AUTS2: variants seen among roughly 807,000 people sequenced by gnomAD.
The protein encoded by AUTS2 is autism susceptibility gene 2 protein.
A neutral mutation model predicts 112.4 loss-of-function variants in AUTS2; 17 were observed. That is an observed-to-expected ratio of 0.15 (90% CI 0.10 to 0.23). The LOEUF (loss-of-function observed/expected upper bound fraction) is 0.23, where lower values mean the gene tolerates loss of function less well. Ranked by LOEUF, AUTS2 falls within the 10% of genes least tolerant of loss-of-function variation. The pLI, the probability that AUTS2 is intolerant of heterozygous loss-of-function variation, is 1.00. For synonymous variants in AUTS2, 751 were observed against 702.7 expected, an observed-to-expected ratio of 1.07 and a Z score of -1.09; for missense variants, 1,510 against 1,701.6, an observed-to-expected ratio of 0.89 and a Z score of 1.98.
chr7:69,775,701 G>C (rs966708852), intron 1 of AUTS2, among the ~76,000 whole-genome samples: 2 of 152,144 alleles, frequency 1.3e-5, no homozygotes, highest in Non-Finnish European at 2.9e-5. Flanking sequence ...GTACTGGTCA[G>C]AGCTGGATTC....
chr7:70,003,675 G>A (rs1361751462), intron 2 of AUTS2, among the ~76,000 whole-genome samples: 2 of 124,684 alleles, frequency 1.6e-5, no homozygotes, highest in Non-Finnish European at 1.6e-5. Context: ...TAATATATAT[G>A]AATGTGTTAT....
At position 69,808,839 on chromosome 7, in the gene AUTS2, G is replaced by T. The variant is rs1263685831; in HGVS notation, c.310-90447G>T. Among the ~76,000 whole-genome samples, 4 of 152,156 alleles carry T rather than the reference G, an allele frequency of 2.6e-5. 1 individual carries two copies. The highest frequency in any genetic ancestry group is 5.9e-5 in the Non-Finnish European group (4 of 68,032). On this transcript the variant is annotated intron_variant, in intron 1 of 18. Transcript: ENST00000342771. ...ATCTGATGATGGTCTTTGGCTCATT[G>T]GCTCCTACAGCTGCATACTTTGTTA...
chr7:70,455,670 C>T (rs1360835780), intron 5 of AUTS2, among the ~76,000 whole-genome samples: 2 of 152,128 alleles, frequency 1.3e-5, no homozygotes, highest in Non-Finnish European at 2.9e-5. Context: ...CCTGTAGTTT[C>T]AGCTACTTCA....
At chr7:69,907,064 G>A (rs189602053) in intron 2 of AUTS2, among the ~76,000 whole-genome samples, 30 of 152,266 alleles carry the variant, frequency 2.0e-4, no homozygotes, top group Non-Finnish European at 3.4e-4. Flanking sequence ...CCATGTTCAC[G>A]CAACTGCACC....
chr7:70,184,296 A>G (rs1809486521), intron 4 of AUTS2, among the ~76,000 whole-genome samples: 1 of 152,188 alleles, frequency 6.6e-6, no homozygotes, highest in Non-Finnish European at 1.5e-5. Flanking sequence ...CACAGAGAAG[A>G]GCAAATGCCA....
At chr7:70,215,185 G>T (rs1449264619) in intron 4 of AUTS2, among the ~76,000 whole-genome samples, 1 of 152,174 alleles carries the variant, frequency 6.6e-6, no homozygotes, top group Non-Finnish European at 1.5e-5. Flanking sequence ...AGGAGGCTGA[G>T]AGGAGAATCA....
intron 1 of AUTS2, among the ~76,000 whole-genome samples, chr7:69,841,649 T>C (rs1791985579): frequency 6.6e-6 from 1 of 152,232 alleles, no homozygotes; most frequent in South Asian, 2.1e-4. Flanking sequence ...AAAAAGCCAG[T>C]GTCGTGAAAC....
At chr7:70,355,201 A>G (rs1355109819) in intron 4 of AUTS2, among the ~76,000 whole-genome samples, 1 of 152,034 alleles carries the variant, frequency 6.6e-6, no homozygotes, top group Non-Finnish European at 1.5e-5. Context: ...AGGAATAGGC[A>G]CAAATTTCTG....
chr7:70,059,360 G>A (rs922362214), intron 2 of AUTS2, among the ~76,000 whole-genome samples: 1 of 152,146 alleles, frequency 6.6e-6, no homozygotes, highest in African/African-American at 2.4e-5. Flanking sequence ...TTAGCACTGA[G>A]TAGTACATTG....
intron 1 of AUTS2, among the ~76,000 whole-genome samples, chr7:69,603,117 A>G (rs2129071146): frequency 6.6e-6 from 1 of 152,320 alleles, no homozygotes; most frequent in Non-Finnish European, 1.5e-5. Flanking sequence ...TTAGAAATGA[A>G]ATCAGTTGTC....
intron 2 of AUTS2, among the ~76,000 whole-genome samples, chr7:70,047,720 A>G (rs1372894686): frequency 2.6e-5 from 4 of 152,188 alleles, no homozygotes; most frequent in Non-Finnish European, 4.4e-5. Context: ...GCAGTATCTA[A>G]TCAAGATATG....
intron 4 of AUTS2, among the ~76,000 whole-genome samples, chr7:70,280,450 A>ATTT (rs35280015): frequency 3.3e-5 from 4 of 121,862 alleles, no homozygotes; most frequent in Non-Finnish European, 5.1e-5. Flanking sequence ...TGCCCGGCTG[A>ATTT]TTTTTTTTTT....
At chr7:69,616,894 T>G (rs1793410378) in intron 1 of AUTS2, among the ~76,000 whole-genome samples, 1 of 152,152 alleles carries the variant, frequency 6.6e-6, no homozygotes, top group African/African-American at 2.4e-5. Flanking sequence ...AAGAAAAAAG[T>G]GTCTGGATTT....
chr7:70,230,592 G>A (rs1008443416), intron 4 of AUTS2, among the ~76,000 whole-genome samples: 1 of 152,152 alleles, frequency 6.6e-6, no homozygotes, highest in Admixed American at 6.5e-5. Flanking sequence ...GTGTTGTAAG[G>A]CCTCATGCTC....
At chr7:70,647,855 G>T (rs757951488) in intron 5 of AUTS2, among the ~76,000 whole-genome samples, 1 of 152,204 alleles carries the variant, frequency 6.6e-6, no homozygotes, top group East Asian at 1.9e-4. Flanking sequence ...AGACCATCCA[G>T]TGTGCTCTGG....
intron 5 of AUTS2, among the ~76,000 whole-genome samples, chr7:70,659,433 CT>C (rs1806948996): frequency 6.6e-6 from 1 of 152,226 alleles, no homozygotes; most frequent in Admixed American, 6.5e-5. Context: ...CTGAGAGCCA[CT>C]GTCCCGCAGC....
chr7:70,009,715 G>A (rs1563036220), intron 2 of AUTS2, among the ~76,000 whole-genome samples: 1 of 152,080 alleles, frequency 6.6e-6, no homozygotes, highest in African/African-American at 2.4e-5. Context: ...ACCCTATGCA[G>A]CCATATAATC....
At chr7:70,210,380 T>G (rs1349259727) in intron 4 of AUTS2, among the ~76,000 whole-genome samples, 1 of 152,230 alleles carries the variant, frequency 6.6e-6, no homozygotes. Context: ...TGAAATCAGA[T>G]TTGTGCAAAA....
chr7:70,701,271 T>G (rs1448482136), intron 6 of AUTS2, among the ~76,000 whole-genome samples: 1 of 152,200 alleles, frequency 6.6e-6, no homozygotes, highest in Admixed American at 6.5e-5. Context: ...GCAGCCCTGA[T>G]GTTGGGCTGC....
Sources: gnomAD v4.1 joint callset for allele counts (sites outside exome capture counted in the v4.1 genomes callset) on GRCh38, gnomAD v4.1.1 for gene constraint, MANE v1.5 for transcripts, NCBI Gene and HGNC (gene_info 2026-07-23, HGNC 2026-07-21) for gene names.